The following ODAD2 variants were observed in gnomAD, a reference collection of about 807,000 sequenced individuals.
ODAD2 encodes the protein outer dynein arm-docking complex subunit 2.
In ODAD2, 89 loss-of-function variants were observed where a neutral mutation model predicts 106.8. That is an observed-to-expected ratio of 0.83 (90% confidence interval 0.70 to 0.99). ODAD2 has a LOEUF of 0.99. Among genes scored for constraint, ODAD2 ranks in the 50% least tolerant of loss-of-function variants. The pLI is 0.00. For missense variants in ODAD2, 1,168 were observed against 1,238.5 expected (o/e 0.94, Z 0.85); for synonymous variants, 404 against 436.2 (o/e 0.93, Z 0.92).
chr10:27,812,728 A>T (rs1047853802), intron 19 of ODAD2, 103 bp from the exon 20 acceptor site: 6 of 1,401,290 alleles, frequency 4.3e-6, no homozygotes, highest in Admixed American at 3.4e-5. Flanking sequence ...AAATTTTTTT[A>T]AAACCACCAA....
chr10:27,875,753 C>T (rs1405001319), intron 17 of ODAD2, among the ~76,000 whole-genome samples: 1 of 152,172 alleles, frequency 6.6e-6, no homozygotes, highest in Non-Finnish European at 1.5e-5. Context: ...AAGGCATTGC[C>T]TCACCCAGGA....
At chr10:27,816,826 G>GC (rs933028500) in intron 19 of ODAD2, among the ~76,000 whole-genome samples, 4 of 152,142 alleles carry the variant, frequency 2.6e-5, no homozygotes, top group African/African-American at 4.8e-5. Flanking sequence ...TTGGCTCACT[G>GC]CAACCTCCGT....
intron 19 of ODAD2, among the ~76,000 whole-genome samples, chr10:27,849,668 G>A (rs1327966242): frequency 6.6e-6 from 1 of 152,130 alleles, no homozygotes; most frequent in Non-Finnish European, 1.5e-5. Context: ...TCATCCTCTA[G>A]TATAAAATTC....
At chr10:27,837,217 G>A (rs1276068805) in intron 19 of ODAD2, among the ~76,000 whole-genome samples, 1 of 152,160 alleles carries the variant, frequency 6.6e-6, no homozygotes, top group Non-Finnish European at 1.5e-5. Context: ...TGACCACATG[G>A]TCCCGTACTG....
At chr10:27,940,461 G>A in intron 13 of ODAD2, 102 bp downstream of exon 13, 2 of 1,416,658 alleles carry the variant, frequency 1.4e-6, no homozygotes, top group Non-Finnish European at 1.9e-6. Flanking sequence ...CTGACTTCTA[G>A]AAAAAGAATG....
At chr10:27,958,890 T>A (rs769049061) in intron 10 of ODAD2, 60 of 1,303,842 alleles carry the variant, frequency 4.6e-5, no homozygotes, top group Middle Eastern at 4.2e-4. Flanking sequence ...CTTTCCAACG[T>A]CAAAGATCAT....
chr10:27,902,338 C>T (rs1336051598), intron 17 of ODAD2, among the ~76,000 whole-genome samples: 2 of 151,522 alleles, frequency 1.3e-5, no homozygotes, highest in African/African-American at 2.4e-5. Flanking sequence ...GCACTAAATG[C>T]CCACAAGAAA....
intron 7 of ODAD2, 123 bp from the exon 8 acceptor site, chr10:27,971,436 G>A: frequency 1.3e-6 from 1 of 778,114 alleles, no homozygotes; most frequent in South Asian, 2.0e-5. Flanking sequence ...GTGGTCCTTA[G>A]TAACAGCTAA....
intron 6 of ODAD2, 30 bp from the exon 7 acceptor site, chr10:27,981,612 A>G (rs757456095): frequency 7.1e-7 from 1 of 1,406,762 alleles, no homozygotes; most frequent in Non-Finnish European, 9.6e-7. Flanking sequence ...TCATTCTATG[A>G]TTAACATAAG....
intron 16 of ODAD2, among the ~76,000 whole-genome samples, chr10:27,908,614 A>AT (rs1843767022): frequency 6.6e-6 from 1 of 152,220 alleles, no homozygotes; most frequent in Non-Finnish European, 1.5e-5. Context: ...AATTCCTTTG[A>AT]TTTTTAATCT....
chr10:27,822,148 A>T (rs1347775167), intron 19 of ODAD2, among the ~76,000 whole-genome samples: 1 of 152,248 alleles, frequency 6.6e-6, no homozygotes, highest in East Asian at 1.9e-4. Flanking sequence ...TGCAGCTGTG[A>T]CCCACAGTTC....
chr10:27,978,389 A>T lies in ODAD2; in HGVS notation c.936+3077T>A, dbSNP rs184773881. Among the ~76,000 whole-genome samples, 4 of 152,316 alleles carry T rather than the reference A, an allele frequency of 2.6e-5. No individual in the cohort carries two copies. In the East Asian group the frequency reaches 7.7e-4, roughly 29 times the overall value. On this transcript the variant is annotated intron_variant, in intron 7 of 19. Coordinates refer to ENST00000305242, the MANE Select transcript of ODAD2 (RefSeq NM_018076.5). ...AATTTCAAACCATTACTCTAGAAAC[A>T]TCTGAGATAAAATAATAAAGGTATT...
chr10:27,904,194 T>C (rs968416173), intron 17 of ODAD2: 13 of 307,114 alleles, frequency 4.2e-5, no homozygotes, highest in Non-Finnish European at 7.3e-5. Flanking sequence ...TTCCACGTGA[T>C]AGGGCTCCTG....
intron 19 of ODAD2, among the ~76,000 whole-genome samples, chr10:27,833,815 G>A (rs1221415238): frequency 9.2e-5 from 14 of 152,188 alleles, no homozygotes; most frequent in Admixed American, 8.5e-4. Flanking sequence ...AAGAAGAGAC[G>A]TGCAAGTCCT....
intron 17 of ODAD2, among the ~76,000 whole-genome samples, chr10:27,879,045 T>A (rs1841537984): frequency 6.6e-6 from 1 of 152,120 alleles, no homozygotes; most frequent in Non-Finnish European, 1.5e-5. Context: ...GCATTACGTG[T>A]TGAGGGTAGC....
intron 7 of ODAD2, 87 bp downstream of exon 7, chr10:27,981,379 G>A: frequency 7.6e-7 from 1 of 1,310,342 alleles, no homozygotes; most frequent in Non-Finnish European, 1.0e-6. Flanking sequence ...CCAAAAATAG[G>A]CAAAATTACT....
intron 17 of ODAD2, among the ~76,000 whole-genome samples, chr10:27,892,498 G>T (rs1258738994): frequency 2.6e-5 from 4 of 152,070 alleles, no homozygotes; most frequent in African/African-American, 7.2e-5. Flanking sequence ...ATAATGAATG[G>T]ACCGATAATT....
intron 17 of ODAD2, among the ~76,000 whole-genome samples, chr10:27,870,156 G>C (rs1157056784): frequency 1.3e-5 from 2 of 151,794 alleles, no homozygotes; most frequent in Admixed American, 6.6e-5. Flanking sequence ...TCCTCTATTG[G>C]CTTCATTTTT....
intron 19 of ODAD2, among the ~76,000 whole-genome samples, chr10:27,816,613 G>A (rs1268191862): frequency 6.6e-6 from 1 of 152,092 alleles, no homozygotes; most frequent in Non-Finnish European, 1.5e-5. Context: ...ATAGGAAAAG[G>A]GTGAAAATAA....
Sources: allele counts gnomAD v4.1 joint callset (sites outside exome capture counted in the v4.1 genomes callset), GRCh38; gene constraint gnomAD v4.1.1; transcripts MANE v1.5; gene names NCBI Gene and HGNC (gene_info 2026-07-23, HGNC 2026-07-21).